Variants in GLRB observed in about 807,000 individuals in gnomAD.
GLRB encodes glycine receptor beta, also known as glycine receptor subunit beta.
Under a neutral mutation model 54.2 loss-of-function variants are expected in GLRB, and 33 were observed. The ratio of observed to expected loss-of-function variants is 0.61; its 90% CI spans 0.46 to 0.81. The LOEUF (loss-of-function observed/expected upper bound fraction) is 0.81, where lower values mean the gene tolerates loss of function less well. GLRB is among the 40% of genes least tolerant of loss of function. GLRB has a pLI of 0.00. For missense variants in GLRB, 572 were observed against 584.6 expected, an observed-to-expected ratio of 0.98 and a Z score of 0.22; for synonymous variants, 209 against 208.2, an observed-to-expected ratio of 1.00 and a Z score of -0.03.
At chr4:157,152,605 A>G in intron 8 of GLRB, 113 bp from the exon 9 acceptor site, 2 of 842,686 alleles carry the variant, frequency 2.4e-6, no homozygotes, top group Non-Finnish European at 4.1e-6. Flanking sequence ...GACCTGACAA[A>G]TTGTTCATGG....
chr4:157,121,241 A>G (rs889748370), intron 3 of GLRB, among the ~76,000 whole-genome samples: 6 of 151,700 alleles, frequency 4.0e-5, no homozygotes, highest in Non-Finnish European at 8.8e-5. Flanking sequence ...TTTTATTCCA[A>G]TTAGATATTA....
chr4:157,113,156 T>C (rs1735481983), intron 2 of GLRB, among the ~76,000 whole-genome samples: 1 of 151,924 alleles, frequency 6.6e-6, no homozygotes. Flanking sequence ...ATTTTTCATA[T>C]AGATATTTTC....
intron 2 of GLRB, among the ~76,000 whole-genome samples, chr4:157,094,456 C>A (rs9683509): frequency 0.14 from 21,615 of 152,152 alleles, 1,679 homozygotes; most frequent in East Asian, 0.28. Flanking sequence ...TCTTCATAAA[C>A]ATTTGGGTTG....
In GLRB at chr4:157,103,206, G is replaced by A. The variant is rs776288369; in HGVS notation, c.123-17350G>A. Among the ~76,000 whole-genome samples the A allele has an allele frequency of 7.8e-4, 118 of 151,804 alleles. 1 individual carries two copies. Among genetic ancestry groups the A allele is most frequent in the Non-Finnish European group, 1.3e-3 (91 of 67,898 alleles). On this transcript the variant is annotated intron_variant, in intron 2 of 9. Coordinates refer to ENST00000264428, the MANE Select transcript of GLRB (RefSeq NM_000824.5). Reference sequence around the variant, plus strand: ...AAGTAGGGACAATAGGGACACAAAGGCACTCAAATGCTCAGCCTCTGTGAA... The same window carrying A: ...AAGTAGGGACAATAGGGACACAAAGACACTCAAATGCTCAGCCTCTGTGAA...
intron 2 of GLRB, among the ~76,000 whole-genome samples, chr4:157,103,648 T>A (rs1359163566): frequency 5.9e-5 from 9 of 152,172 alleles, no homozygotes; most frequent in Non-Finnish European, 1.3e-4. Flanking sequence ...TATGGGCATT[T>A]AACAATATTA....
In GLRB at chr4:157,171,096, A is replaced by G. The variant is rs927027646; in HGVS notation, c.*368A>G. ...CTATGGTCACCATTCTAATGTATGT[A>G]GTATTTCAAATTTCCTTCCTTGTAA... On this transcript the variant is annotated 3_prime_UTR_variant, in exon 10 of 10. Transcript: ENST00000264428. 3 of 157,430 alleles carry G rather than the reference A, an allele frequency of 1.9e-5. No individual in the cohort carries two copies. Among genetic ancestry groups the G allele is most frequent in the Non-Finnish European group, 4.2e-5 (3 of 71,394 alleles). 9.8% of individuals were successfully genotyped at this position (157,430 alleles called of 1,614,324 possible).
At chr4:157,134,645 A>C (rs1736336421) in intron 4 of GLRB, among the ~76,000 whole-genome samples, 2 of 152,162 alleles carry the variant, frequency 1.3e-5, no homozygotes, top group African/African-American at 4.8e-5. Flanking sequence ...CCACATTGGC[A>C]ATATTTCTTG....
chr4:157,108,776 G>T (rs1284618416), intron 2 of GLRB, among the ~76,000 whole-genome samples: 1 of 152,018 alleles, frequency 6.6e-6, no homozygotes, highest in East Asian at 1.9e-4. Context: ...ATGTTCTGTA[G>T]ATAAAAGGCT....
chr4:157,143,989 C>G, intron 8 of GLRB, 30 bp downstream of exon 8: 14 of 1,599,398 alleles, frequency 8.8e-6, no homozygotes, highest in Non-Finnish European at 1.2e-5. Flanking sequence ...TTTGTCACAT[C>G]AGGAACAGAT....
chr4:157,134,816 A>T (rs1736341866), intron 4 of GLRB, among the ~76,000 whole-genome samples: 1 of 152,196 alleles, frequency 6.6e-6, no homozygotes, highest in South Asian at 2.1e-4. Context: ...TGTAGGAGAC[A>T]TACAATGGTA....
chr4:157,100,024 A>G (rs1342085584), intron 2 of GLRB, among the ~76,000 whole-genome samples: 2 of 152,198 alleles, frequency 1.3e-5, no homozygotes, highest in Non-Finnish European at 2.9e-5. Context: ...CGTTCTTTAT[A>G]TATTCTAGAA....
intron 2 of GLRB, among the ~76,000 whole-genome samples, chr4:157,115,097 AT>A (rs1243490897): frequency 3.3e-5 from 5 of 151,770 alleles, no homozygotes; most frequent in African/African-American, 1.2e-4. Context: ...CATTTATTCA[AT>A]TCTTATTTTT....
chr4:157,126,343 G>A (rs1254578604), intron 4 of GLRB, among the ~76,000 whole-genome samples: 1 of 151,586 alleles, frequency 6.6e-6, no homozygotes, highest in African/African-American at 2.4e-5. Flanking sequence ...ATTCCTTAAG[G>A]TCTTCCATAT....
At chr4:157,164,196 C>G (rs943031876) in intron 9 of GLRB, among the ~76,000 whole-genome samples, 1 of 151,290 alleles carries the variant, frequency 6.6e-6, no homozygotes, top group Non-Finnish European at 1.5e-5. Flanking sequence ...CACATAATAT[C>G]CAGAAGAACT....
intron 2 of GLRB, 112 bp downstream of exon 2, chr4:157,078,258 A>G: frequency 6.5e-6 from 10 of 1,541,958 alleles, no homozygotes; most frequent in Non-Finnish European, 8.8e-6. Flanking sequence ...ATCGGAATGT[A>G]TATCCATCTG....
chr4:157,150,829 C>T (rs1003669212), intron 8 of GLRB, among the ~76,000 whole-genome samples: 7 of 151,962 alleles, frequency 4.6e-5, no homozygotes, highest in African/African-American at 1.4e-4. Context: ...CTTTTTTTCA[C>T]ATCTGTCCTA....
Position 157,171,214 on chromosome 4 carries a change from A to T in GLRB, c.*486A>T, listed in dbSNP as rs1349881495. On this transcript the variant is annotated 3_prime_UTR_variant, in exon 10 of 10. Transcript: ENST00000264428. ...TATTACATATTGTTTAAACTTTGTA[A>T]GTAGAAATATATCTGTTATAATTAT... 2.0e-5 allele frequency: 3 copies of T among 152,518 alleles called. No homozygotes were observed. Among genetic ancestry groups the T allele is most frequent in the African/African-American group, 7.2e-5 (3 of 41,442 alleles). 9.4% of individuals were successfully genotyped at this position (152,518 alleles called of 1,614,324 possible).
At chr4:157,139,270 T>C (rs1736524383) in intron 7 of GLRB, among the ~76,000 whole-genome samples, 1 of 152,122 alleles carries the variant, frequency 6.6e-6, no homozygotes, top group Non-Finnish European at 1.5e-5. Context: ...CTGGCAGGAT[T>C]CCACTTGGGG....
intron 2 of GLRB, among the ~76,000 whole-genome samples, chr4:157,083,168 G>A (rs1734286630): frequency 1.3e-5 from 2 of 151,930 alleles, no homozygotes; most frequent in African/African-American, 4.8e-5. Context: ...TCTGCTCTGT[G>A]CTAGTGCAGA....
Sources: allele counts gnomAD v4.1 joint callset (sites outside exome capture counted in the v4.1 genomes callset), GRCh38; gene constraint gnomAD v4.1.1; transcripts MANE v1.5; gene names NCBI Gene and HGNC (gene_info 2026-07-23, HGNC 2026-07-21).